Variants in PARD3 observed in about 807,000 individuals in gnomAD.
PARD3 encodes the protein par-3 family cell polarity regulator, also known as partitioning defective 3 homolog.
In PARD3, 75 loss-of-function variants were observed where a neutral mutation model predicts 155.4. That is an observed-to-expected ratio of 0.48 (90% CI 0.40 to 0.58). The LOEUF (loss-of-function observed/expected upper bound fraction) is 0.58, where lower values mean the gene tolerates loss of function less well. PARD3 is among the 20% of genes least tolerant of loss of function. PARD3 has a pLI of 0.00. For synonymous variants in PARD3, 576 were observed against 610.5 expected (o/e 0.94, Z 0.83); for missense variants, 1,642 against 1,721.7 (o/e 0.95, Z 0.82).
intron 1 of PARD3, among the ~76,000 whole-genome samples, chr10:34,741,918 C>G (rs1363988904): frequency 6.6e-6 from 1 of 152,094 alleles, no homozygotes; most frequent in Admixed American, 6.6e-5. Context: ...ATATAAAATA[C>G]CTAAAAATTT....
chr10:34,789,900 A>C (rs1230185660), intron 1 of PARD3, among the ~76,000 whole-genome samples: 1 of 152,218 alleles, frequency 6.6e-6, no homozygotes, highest in Non-Finnish European at 1.5e-5. Flanking sequence ...ATTATAAACA[A>C]TTAAAGCTTA....
intron 12 of PARD3, among the ~76,000 whole-genome samples, chr10:34,369,365 C>T (rs1284385464): frequency 2.6e-5 from 4 of 151,064 alleles, no homozygotes; most frequent in South Asian, 2.1e-4. Flanking sequence ...TATCTGCTAT[C>T]GTTAGTGTTA....
At chr10:34,642,379 T>C (rs1224908657) in intron 2 of PARD3, among the ~76,000 whole-genome samples, 1 of 152,150 alleles carries the variant, frequency 6.6e-6, no homozygotes, top group East Asian at 1.9e-4. Context: ...CTCCTCTTCC[T>C]TGATCCACCC....
intron 2 of PARD3, among the ~76,000 whole-genome samples, chr10:34,567,449 A>G (rs2134119593): frequency 6.6e-6 from 1 of 152,338 alleles, no homozygotes; most frequent in East Asian, 1.9e-4. Flanking sequence ...TATTATAAAC[A>G]TTTAAACCGC....
chr10:34,189,100 G>GT (rs1950602130), intron 22 of PARD3, among the ~76,000 whole-genome samples: 2 of 152,216 alleles, frequency 1.3e-5, no homozygotes, highest in East Asian at 3.8e-4. Context: ...GGGAGGCTGA[G>GT]GTGGGAGGGT....
At chr10:34,555,008 G>A (rs2084876034) in intron 2 of PARD3, among the ~76,000 whole-genome samples, 1 of 152,186 alleles carries the variant, frequency 6.6e-6, no homozygotes, top group Non-Finnish European at 1.5e-5. Context: ...GAGGATTTTA[G>A]GACAGTGAAA....
At chr10:34,159,530 T>C (rs1293635522) in intron 22 of PARD3, among the ~76,000 whole-genome samples, 1 of 152,198 alleles carries the variant, frequency 6.6e-6, no homozygotes, top group Non-Finnish European at 1.5e-5. Flanking sequence ...TTGTGGGAGA[T>C]AGGATAATCT....
intron 1 of PARD3, among the ~76,000 whole-genome samples, chr10:34,732,739 A>G (rs1440382047): frequency 6.6e-6 from 1 of 152,208 alleles, no homozygotes; most frequent in Non-Finnish European, 1.5e-5. Flanking sequence ...TCGGTGATAA[A>G]TAGGTAAATG....
At chr10:34,149,424 A>G (rs928917216) in intron 22 of PARD3, among the ~76,000 whole-genome samples, 1 of 152,162 alleles carries the variant, frequency 6.6e-6, no homozygotes, top group African/African-American at 2.4e-5. Context: ...TCCCAGGAAA[A>G]TATCTTTACA....
intron 3 of PARD3, among the ~76,000 whole-genome samples, chr10:34,486,130 C>A (rs112537314): frequency 7.9e-5 from 12 of 152,034 alleles, no homozygotes; most frequent in Admixed American, 2.6e-4. Flanking sequence ...GTTGCCCAGG[C>A]TGGTCTCAAA....
chr10:34,242,605 C>G (rs1423855644), intron 22 of PARD3, among the ~76,000 whole-genome samples: 1 of 152,132 alleles, frequency 6.6e-6, no homozygotes, highest in Non-Finnish European at 1.5e-5. Flanking sequence ...ATTTCACGAA[C>G]AAAAGTATGA....
chr10:34,261,795 A>AAGAAAAGAAAGAG (rs1354356565), intron 22 of PARD3, among the ~76,000 whole-genome samples: 5 of 58,192 alleles, frequency 8.6e-5, no homozygotes, highest in African/African-American at 1.8e-4. Flanking sequence ...GAAAGAAAGA[A>AAGAAAAGAAAGAG]AGAAAGAAAG....
At chr10:34,167,983 A>C (rs1488757254) in intron 22 of PARD3, among the ~76,000 whole-genome samples, 1 of 152,192 alleles carries the variant, frequency 6.6e-6, no homozygotes, top group Non-Finnish European at 1.5e-5. Flanking sequence ...CCAGGGGTGC[A>C]AGAGGGTTAT....
intron 14 of PARD3, among the ~76,000 whole-genome samples, chr10:34,352,761 C>CGG (rs1589273020): frequency 1.3e-5 from 2 of 152,172 alleles, no homozygotes; most frequent in African/African-American, 4.8e-5. Flanking sequence ...TCTGCCCGGC[C>CGG]GCGACCCCAT....
chr10:34,697,504 T>C (rs1360730531), intron 1 of PARD3, among the ~76,000 whole-genome samples: 5 of 152,132 alleles, frequency 3.3e-5, no homozygotes, highest in Non-Finnish European at 7.3e-5. Flanking sequence ...TCCATATTAT[T>C]AAGAAGCTCT....
chr10:34,253,282 T>G (rs968533077), intron 22 of PARD3, among the ~76,000 whole-genome samples: 3 of 152,242 alleles, frequency 2.0e-5, no homozygotes, highest in African/African-American at 7.2e-5. Flanking sequence ...GATACTGTCC[T>G]TGACTCACAT....
chr10:34,584,573 T>C (rs757384096), intron 2 of PARD3, among the ~76,000 whole-genome samples: 11 of 152,178 alleles, frequency 7.2e-5, no homozygotes, highest in Non-Finnish European at 1.5e-4. Flanking sequence ...GTCCAACTAA[T>C]CGAGCGGAGT....
At chr10:34,573,283 G>C (rs577893248) in intron 2 of PARD3, among the ~76,000 whole-genome samples, 8 of 152,298 alleles carry the variant, frequency 5.3e-5, no homozygotes, top group African/African-American at 1.9e-4. Flanking sequence ...CTGAGCCCAG[G>C]AGGTTGAGGC....
intron 14 of PARD3, among the ~76,000 whole-genome samples, chr10:34,357,031 T>C (rs945487686): frequency 7.9e-5 from 12 of 152,216 alleles, no homozygotes; most frequent in Non-Finnish European, 1.5e-4. Context: ...TTCACAAAAA[T>C]TCATATGGAG....
Sources: gnomAD v4.1 joint callset for allele counts (sites outside exome capture counted in the v4.1 genomes callset) on GRCh38, gnomAD v4.1.1 for gene constraint, MANE v1.5 for transcripts, NCBI Gene and HGNC (gene_info 2026-07-23, HGNC 2026-07-21) for gene names.